Variants in TOR4A observed in about 807,000 individuals in gnomAD.
TOR4A encodes torsin-4A.
A neutral mutation model predicts 11.5 loss-of-function variants in TOR4A; 12 were observed. The observed-to-expected ratio is 1.04, with a 90% CI of 0.67 to 1.69. The LOEUF is 1.69. TOR4A is among the 40% of genes most tolerant of loss of function. The pLI, the probability that TOR4A is intolerant of heterozygous loss-of-function variation, is 0.00. For synonymous variants in TOR4A, 362 were observed against 307.4 expected, an observed-to-expected ratio of 1.18 and a Z score of -1.86; for missense variants, 640 against 643.2, an observed-to-expected ratio of 0.99 and a Z score of 0.05.
chr9:137,279,662 G>C lies in TOR4A; in HGVS notation c.973G>C (p.Gly325Arg), dbSNP rs761630196. Reference sequence around the variant, plus strand: ...CCGCGCGCTGCCCCTGCGCCCCGACGGCTTCCGCAGTGCCGAGGCCGCAGC... The same window carrying C: ...CCGCGCGCTGCCCCTGCGCCCCGACCGCTTCCGCAGTGCCGAGGCCGCAGC... ...ASRALPLRPDGFRSAEAAAAQ... is the reference protein window; with the variant it reads ...ASRALPLRPDRFRSAEAAAAQ... The change falls in exon 2 of 2, where the codon GGC becomes CGC. Residue 325 changes from glycine to arginine, a missense_variant. Physicochemically the swap from Gly to Arg is moderately radical, Grantham distance 125. Transcript: ENST00000357503. 1 of 1,564,816 alleles carries C rather than the reference G, an allele frequency of 6.4e-7. No individual in the cohort carries two copies.
rs1367741640 is a variant in TOR4A at position 137,280,914 on chromosome 9, G to GT, written c.*959dup. The GT allele has an allele frequency of 6.0e-6, 1 of 167,202 alleles. No homozygotes were observed. The highest frequency in any genetic ancestry group is 1.5e-5 in the Non-Finnish European group (1 of 68,134). 10.4% of individuals were successfully genotyped at this position (167,202 alleles called of 1,614,324 possible). On this transcript the variant is annotated 3_prime_UTR_variant, in exon 2 of 2. Transcript: ENST00000357503. Reference sequence around the variant, plus strand: ...GGCTTTAGGGGAAGGTGCTTTGGGCGTTTTTTGCGCCATGTCTCCTCGGGG... The same window carrying GT: ...GGCTTTAGGGGAAGGTGCTTTGGGCGTTTTTTTGCGCCATGTCTCCTCGGGG...
rs1363592241 is a variant in TOR4A at position 137,279,195 on chromosome 9, C to T, written c.506C>T (p.Ser169Leu). 6.4e-7 allele frequency: 1 copy of T among 1,554,100 alleles called. No individual in the cohort carries two copies. Residue 169 changes from serine (S) to leucine (L), a missense_variant, in exon 2 of 2, where the codon TCG becomes TTG. By Grantham distance (145) the Ser-to-Leu change is moderately radical. Coordinates refer to ENST00000357503, the MANE Select transcript of TOR4A (RefSeq NM_017723.3). The part of the protein sequence containing the change: ...RAVFGQPAAV[S>L]RIVALMRDYL... The stretch of plus-strand genomic sequence containing the variant: ...GTGTTCGGCCAGCCCGCTGCCGTAT[C>T]GCGCATCGTGGCGCTGATGCGGGAC...
rs758919820 is a variant in TOR4A at position 137,279,636 on chromosome 9, C to T, written c.947C>T (p.Ser316Phe). 7 of 1,560,324 alleles carry T rather than the reference C, an allele frequency of 4.5e-6. No individual in the cohort carries two copies. The African/African-American group carries it at 8.1e-5, about 18-fold the overall frequency. The change falls in exon 2 of 2, where the codon TCC (serine) becomes TTC (phenylalanine). Residue 316 changes from serine (S) to phenylalanine (F), a missense_variant. Coordinates refer to ENST00000357503, the MANE Select transcript of TOR4A (RefSeq NM_017723.3). ...ACGCGCTTCGTGCTGCAGAACGCGT[C>T]CCGCGCGCTGCCCCTGCGCCCCGAC... The part of the protein sequence containing the change: ...EVTRFVLQNA[S>F]RALPLRPDGF...
Position 137,279,203 on chromosome 9 carries a change from G to C in TOR4A, c.514G>C (p.Val172Leu). 2 of 1,551,046 alleles carry C rather than the reference G, an allele frequency of 1.3e-6. No homozygotes were observed. The highest frequency in any genetic ancestry group is 1.2e-5 in the South Asian group (1 of 84,570). Residue 172 changes from valine to leucine, a missense_variant, in exon 2 of 2, where the codon GTG becomes CTG. Transcript: ENST00000357503. ...FGQPAAVSRI[V>L]ALMRDYLATH... ...CCAGCCCGCTGCCGTATCGCGCATC[G>C]TGGCGCTGATGCGGGACTACCTGGC... is the stretch of plus-strand genomic sequence containing the variant.
In TOR4A at chr9:137,280,090, G is replaced by T; in HGVS notation, c.*129G>T. On this transcript the variant is annotated 3_prime_UTR_variant, in exon 2 of 2. Coordinates refer to ENST00000357503, the MANE Select transcript of TOR4A (RefSeq NM_017723.3). ...CTGCCCGGCTGGTGGGTGCGGATCA[G>T]CTTGGAGCTCTGCTTCCAGGTCCAC... 1 of 1,060,714 alleles carries T rather than the reference G, an allele frequency of 9.4e-7. No individual in the cohort carries two copies. The highest frequency in any genetic ancestry group is 1.3e-6 in the Non-Finnish European group (1 of 745,430). 65.7% of individuals were successfully genotyped at this position (1,060,714 alleles called of 1,614,324 possible).
Position 137,279,759 on chromosome 9 carries a change from C to T in TOR4A, c.1070C>T (p.Ala357Val). The T allele has an allele frequency of 6.3e-7, 1 of 1,582,986 alleles. No homozygotes were observed. Among genetic ancestry groups the T allele is most frequent in the Non-Finnish European group, 8.5e-7 (1 of 1,172,428 alleles). ...VLSREHPLWQAAAIVPFLLLD... is the reference protein window; with the variant it reads ...VLSREHPLWQVAAIVPFLLLD... The stretch of plus-strand genomic sequence containing the variant: ...TCCCGGGAGCATCCGCTGTGGCAGG[C>T]CGCGGCCATCGTGCCGTTTCTGCTG... Residue 357 changes from alanine (A) to valine (V), a missense_variant, in exon 2 of 2, where the codon GCC (alanine) becomes GTC (valine). Coordinates refer to ENST00000357503, the MANE Select transcript of TOR4A (RefSeq NM_017723.3).
Position 137,279,142 on chromosome 9 carries a change from C to A in TOR4A, c.453C>A (p.Asp151Glu). Reference protein sequence around the residue: ...LDDNAQRYDLDGLEKALQRAV... With the variant: ...LDDNAQRYDLEGLEKALQRAV... Reference sequence around the variant, plus strand: ...ATAACGCGCAGCGCTATGACCTCGACGGGCTGGAGAAAGCGCTGCAGCGCG... The same window carrying A: ...ATAACGCGCAGCGCTATGACCTCGAAGGGCTGGAGAAAGCGCTGCAGCGCG... The change falls in exon 2 of 2, where the codon GAC (aspartate) becomes GAA (glutamate). Residue 151 changes from aspartate (D) to glutamate (E), a missense_variant. By Grantham distance (45) the Asp-to-Glu change is conservative. Coordinates refer to ENST00000357503, the MANE Select transcript of TOR4A (RefSeq NM_017723.3). 1 of 1,579,860 alleles carries A rather than the reference C, an allele frequency of 6.3e-7. No individual in the cohort carries two copies.
Position 137,279,437 on chromosome 9 carries a change from G to A in TOR4A, c.748G>A (p.Val250Met), listed in dbSNP as rs756370946. ...GGAGCTGGCGCGGCGCGTGGCCGACGTGGTGGCGCGGGCCGAAGCGGAGGA... is the reference window on the plus strand; with the variant it reads ...GGAGCTGGCGCGGCGCGTGGCCGACATGGTGGCGCGGGCCGAAGCGGAGGA... ...REELARRVAD[V>M]VARAEAEEKT... Residue 250 changes from valine (V) to methionine (M), a missense_variant, in exon 2 of 2, where the codon GTG becomes ATG. By Grantham distance (21) the Val-to-Met change is conservative. Coordinates refer to ENST00000357503, the MANE Select transcript of TOR4A (RefSeq NM_017723.3). The A allele has an allele frequency of 4.3e-5, 66 of 1,537,030 alleles. No homozygotes were observed. The highest frequency in any genetic ancestry group is 3.4e-5 in the Non-Finnish European group (39 of 1,141,750).
rs745555807 is a variant in TOR4A, at chr9:137,279,644, C to T, written c.955C>T (p.Leu319=). ...CGTGCTGCAGAACGCGTCCCGCGCG[C>T]TGCCCCTGCGCCCCGACGGCTTCCG... The part of the protein sequence containing the change: ...RFVLQNASRA[L]PLRPDGFRSA... Residue 319 remains leucine (L), a synonymous_variant, in exon 2 of 2, where the codon CTG becomes TTG. Transcript: ENST00000357503. The T allele has an allele frequency of 4.2e-5, 65 of 1,561,834 alleles. No individual in the cohort carries two copies. Among genetic ancestry groups the T allele is most frequent in the Admixed American group, 1.3e-4 (7 of 55,148 alleles).
intron 1 of TOR4A, among the ~76,000 whole-genome samples, chr9:137,278,158 C>A (rs1588194266): frequency 1.3e-5 from 2 of 152,162 alleles, no homozygotes; most frequent in East Asian, 1.9e-4. Context: ...TCCAGCCAGA[C>A]CCCCGCCAAG....
chr9:137,281,862 GC>G lies in TOR4A; in HGVS notation c.*1905del. The G allele has an allele frequency of 6.0e-6, 1 of 167,204 alleles. No individual in the cohort carries two copies. The allele number at this position is 167,204 out of a possible 1,614,324, so 10.4% of individuals were successfully genotyped here. On this transcript the variant is annotated 3_prime_UTR_variant, in exon 2 of 2. Coordinates refer to ENST00000357503, the MANE Select transcript of TOR4A (RefSeq NM_017723.3). ...CTAGGGGAAGGAGCTGGGAGAAGGA[GC>G]CCCACCTCTCCCAGGCGAGTATCTG...
chr9:137,279,720 T>G lies in TOR4A; in HGVS notation c.1031T>G (p.Leu344Arg). 1 of 1,574,898 alleles carries G rather than the reference T, an allele frequency of 6.3e-7. No individual in the cohort carries two copies. Among genetic ancestry groups the G allele is most frequent in the South Asian group, 1.1e-5 (1 of 88,168 alleles). Reference protein sequence around the residue: ...AQAEEDLRASLLAVLSREHPL... With the variant: ...AQAEEDLRASRLAVLSREHPL... ...GCGGAAGAAGACCTGCGCGCCAGCC[T>G]GCTGGCTGTGCTGTCCCGGGAGCAT... The change falls in exon 2 of 2, where the codon CTG (leucine) becomes CGG (arginine). Residue 344 changes from leucine to arginine, a missense_variant. Coordinates refer to ENST00000357503, the MANE Select transcript of TOR4A (RefSeq NM_017723.3).
At position 137,279,874 on chromosome 9, in the gene TOR4A, C is replaced by G. The variant is rs778539558; in HGVS notation, c.1185C>G (p.Ala395=). ...ACCAGGCCCGCGCGGAGAACCTGGC[C>G]GCGCAGCTCAGCTTCTACCGCGTGG... ...FPDQARAENL[A]AQLSFYRVAG... The change falls in exon 2 of 2, where the codon GCC becomes GCG. Residue 395 remains alanine, a synonymous_variant. Transcript: ENST00000357503. 8 of 1,583,682 alleles carry G rather than the reference C, an allele frequency of 5.1e-6. 1 individual carries two copies. In the Admixed American group the frequency reaches 8.9e-5, roughly 18 times the overall value.
rs1455289879 is a variant in TOR4A, at chr9:137,279,615, G to A, written c.926G>A (p.Arg309His). The A allele has an allele frequency of 1.3e-6, 2 of 1,564,708 alleles. No homozygotes were observed. Among genetic ancestry groups the A allele is most frequent in the South Asian group, 2.3e-5 (2 of 87,868 alleles). ...GGCGCGGGTGGCGCCGAGGTCACGC[G>A]CTTCGTGCTGCAGAACGCGTCCCGC... Reference protein sequence around the residue: ...LSGAGGAEVTRFVLQNASRAL... With the variant: ...LSGAGGAEVTHFVLQNASRAL... Residue 309 changes from arginine (R) to histidine (H), a missense_variant, in exon 2 of 2, where the codon CGC becomes CAC. Physicochemically the swap from Arg to His is conservative, Grantham distance 29. Coordinates refer to ENST00000357503, the MANE Select transcript of TOR4A (RefSeq NM_017723.3).
At position 137,278,883 on chromosome 9, in the gene TOR4A, G is replaced by A. The variant is rs140790014; in HGVS notation, c.194G>A (p.Arg65Gln). Residue 65 changes from arginine to glutamine, a missense_variant, in exon 2 of 2, where the codon CGG (arginine) becomes CAG (glutamine). Physicochemically the swap from Arg to Gln is conservative, Grantham distance 43. Coordinates refer to ENST00000357503, the MANE Select transcript of TOR4A (RefSeq NM_017723.3). ...TGAPRPGCSPRAPRADLDQPK... is the reference protein window; with the variant it reads ...TGAPRPGCSPQAPRADLDQPK... ...GCGCCCAGGCCGGGCTGCAGCCCCC[G>A]GGCACCGCGCGCGGACCTGGACCAG... The A allele has an allele frequency of 2.1e-3, 3,223 of 1,544,966 alleles. 57 individuals are homozygous for A. In the African/African-American group the frequency reaches 0.039, roughly 19 times the overall value.
At position 137,279,756 on chromosome 9, in the gene TOR4A, A is replaced by G. The variant is rs1830693518; in HGVS notation, c.1067A>G (p.Gln356Arg). The G allele has an allele frequency of 1.3e-6, 2 of 1,583,728 alleles. No homozygotes were observed. Among genetic ancestry groups the G allele is most frequent in the Non-Finnish European group, 8.5e-7 (1 of 1,172,766 alleles). The change falls in exon 2 of 2, where the codon CAG becomes CGG. Residue 356 changes from glutamine (Q) to arginine (R), a missense_variant. By Grantham distance (43) the Gln-to-Arg change is conservative. Transcript: ENST00000357503. ...AVLSREHPLW[Q>R]AAAIVPFLLL... is the part of the protein sequence containing the mutation. Reference sequence around the variant, plus strand: ...CTGTCCCGGGAGCATCCGCTGTGGCAGGCCGCGGCCATCGTGCCGTTTCTG... The same window carrying G: ...CTGTCCCGGGAGCATCCGCTGTGGCGGGCCGCGGCCATCGTGCCGTTTCTG...
chr9:137,279,375 A>G lies in TOR4A; in HGVS notation c.686A>G (p.His229Arg), dbSNP rs1588195010. Residue 229 changes from histidine to arginine, a missense_variant, in exon 2 of 2, where the codon CAC becomes CGC. Physicochemically the swap from His to Arg is conservative, Grantham distance 29 (BLOSUM62 0). Transcript: ENST00000357503. ...ALVLQYHARH[H>R]CPEARAAQDC... ...GTGCTGCAATACCATGCGCGGCACC[A>G]CTGCCCCGAGGCGCGCGCCGCACAG... 2 of 1,523,816 alleles carry G rather than the reference A, an allele frequency of 1.3e-6. No individual in the cohort carries two copies. Among genetic ancestry groups the G allele is most frequent in the Non-Finnish European group, 1.8e-6 (2 of 1,137,900 alleles). 94.4% of individuals were successfully genotyped at this position (1,523,816 alleles called of 1,614,324 possible).
rs1225837893 is a variant in TOR4A at position 137,279,436 on chromosome 9, C to T, written c.747C>T (p.Asp249=). The change falls in exon 2 of 2, where the codon GAC becomes GAT. Residue 249 remains aspartate (D), a synonymous_variant. Transcript: ENST00000357503. Reference sequence around the variant, plus strand: ...AGGAGCTGGCGCGGCGCGTGGCCGACGTGGTGGCGCGGGCCGAAGCGGAGG... The same window carrying T: ...AGGAGCTGGCGCGGCGCGTGGCCGATGTGGTGGCGCGGGCCGAAGCGGAGG... The part of the protein sequence containing the change: ...CREELARRVA[D]VVARAEAEEK... The T allele has an allele frequency of 9.8e-6, 15 of 1,536,658 alleles. No homozygotes were observed. The highest frequency in any genetic ancestry group is 2.4e-5 in the South Asian group (2 of 83,784).
In TOR4A at chr9:137,282,189, C is replaced by CTCTTTCTT. The variant is rs372435173; in HGVS notation, c.*2242_*2249dup. 7.2e-5 allele frequency: 12 copies of CTCTTTCTT among 166,960 alleles called. No individual in the cohort carries two copies. The highest frequency in any genetic ancestry group is 4.2e-4 in the South Asian group (2 of 4,802). 10.3% of individuals were successfully genotyped at this position (166,960 alleles called of 1,614,324 possible). A position where few individuals can be genotyped will look rare whatever the true frequency, so the allele number is the denominator to read the frequency against. ...GTCCAGACCTAAGGGGAAATTTTAT[C>CTCTTTCTT]TCTTTCTTTCTTTCTTTCTTTTTTT... On this transcript the variant is annotated 3_prime_UTR_variant, in exon 2 of 2. Coordinates refer to ENST00000357503, the MANE Select transcript of TOR4A (RefSeq NM_017723.3).
Sources: gnomAD v4.1 joint callset for allele counts (sites outside exome capture counted in the v4.1 genomes callset) on GRCh38, gnomAD v4.1.1 for gene constraint, MANE v1.5 for transcripts, NCBI Gene and HGNC (gene_info 2026-07-23, HGNC 2026-07-21) for gene names.